COG5: variants seen among roughly 807,000 people sequenced by gnomAD.
COG5 encodes component of oligomeric golgi complex 5, also known as conserved oligomeric Golgi complex subunit 5.
In COG5, 86 loss-of-function variants were observed where a neutral mutation model predicts 110.4. That is an observed-to-expected ratio of 0.78 (90% CI 0.65 to 0.93). COG5 has a LOEUF of 0.93. Among genes scored for constraint, COG5 ranks in the 40% least tolerant of loss-of-function variants. COG5 has a pLI of 0.00. For missense variants in COG5, 1,077 were observed against 987.0 expected, an observed-to-expected ratio of 1.09 and a Z score of -1.22; for synonymous variants, 360 against 334.6, an observed-to-expected ratio of 1.08 and a Z score of -0.83.
intron 14 of COG5, among the ~76,000 whole-genome samples, chr7:107,259,872 A>G (rs1803191308): frequency 6.6e-6 from 1 of 152,138 alleles, no homozygotes; most frequent in South Asian, 2.1e-4. Flanking sequence ...GTTTCAAAGT[A>G]TAGACAGGTC....
chr7:107,217,383 A>G (rs1799604713), intron 19 of COG5, among the ~76,000 whole-genome samples: 1 of 152,162 alleles, frequency 6.6e-6, no homozygotes, highest in Non-Finnish European at 1.5e-5. Context: ...GAATACTTCC[A>G]AGCTAGTTTT....
At chr7:107,476,374 T>C (rs1796997885) in intron 6 of COG5, among the ~76,000 whole-genome samples, 1 of 151,368 alleles carries the variant, frequency 6.6e-6, no homozygotes, top group Non-Finnish European at 1.5e-5. Context: ...CATACAACTT[T>C]AGGGTAATAC....
chr7:107,527,232 C>T lies in COG5; in HGVS notation c.538+5G>A. Reference sequence around the variant, plus strand: ...CTTTTTATTTAAAAAAAAAAAAAAACTTACCAAGTTCATTGAGACTCTGAG... The same window carrying T: ...CTTTTTATTTAAAAAAAAAAAAAAATTTACCAAGTTCATTGAGACTCTGAG... On this transcript the variant is annotated splice_donor_5th_base_variant and intron_variant, in intron 6 of 21. Transcript: ENST00000297135. 7.2e-7 allele frequency: 1 copy of T among 1,390,622 alleles called. No individual in the cohort carries two copies. The highest frequency in any genetic ancestry group is 9.7e-7 in the Non-Finnish European group (1 of 1,034,292). The allele number at this position is 1,390,622 out of a possible 1,614,324, so 86.1% of individuals were successfully genotyped here. A position where few individuals can be genotyped will look rare whatever the true frequency, so the allele number is the denominator to read the frequency against.
At chr7:107,246,020 T>C (rs989466445) in intron 17 of COG5, among the ~76,000 whole-genome samples, 1 of 152,094 alleles carries the variant, frequency 6.6e-6, no homozygotes, top group African/African-American at 2.4e-5. Flanking sequence ...AACAGGCACA[T>C]AGACCAATGG....
chr7:107,507,927 G>A (rs941783303), intron 6 of COG5, among the ~76,000 whole-genome samples: 3 of 152,196 alleles, frequency 2.0e-5, no homozygotes, highest in African/African-American at 7.2e-5. Flanking sequence ...TAAGATGGCT[G>A]AACAGGAACA....
chr7:107,453,099 A>G (rs1276684840), intron 6 of COG5, among the ~76,000 whole-genome samples: 4 of 152,196 alleles, frequency 2.6e-5, no homozygotes, highest in African/African-American at 9.6e-5. Flanking sequence ...ACCGTTTTGG[A>G]CACACAGAAT....
chr7:107,527,361 T>C lies in COG5; in HGVS notation c.418-4A>G, dbSNP rs1224203490. ...TCCGAAGCAAATCACAGGCAACCTGTGCAAACATCACAATGTTAAGTTAGT... is the reference window on the plus strand; with the variant it reads ...TCCGAAGCAAATCACAGGCAACCTGCGCAAACATCACAATGTTAAGTTAGT... On this transcript the variant is annotated splice_polypyrimidine_tract_variant and splice_region_variant and intron_variant, in intron 5 of 21. Coordinates refer to ENST00000297135, the MANE Select transcript of COG5 (RefSeq NM_006348.5). The C allele has an allele frequency of 6.2e-7, 1 of 1,613,226 alleles. No homozygotes were observed. The highest frequency in any genetic ancestry group is 2.2e-5 in the East Asian group (1 of 44,834).
intron 10 of COG5, among the ~76,000 whole-genome samples, chr7:107,352,835 C>T (rs945894760): frequency 6.6e-6 from 1 of 152,174 alleles, no homozygotes; most frequent in African/African-American, 2.4e-5. Context: ...ATAAAAACTT[C>T]TGGCTTAGAA....
chr7:107,358,205 G>A lies in COG5; in HGVS notation c.1026+3828C>T, dbSNP rs180824549. ...TATGTTGTTTGTAGAATATTAAATTGTTCAAAAGGAATAACAATATGCAAA... is the reference window on the plus strand; with the variant it reads ...TATGTTGTTTGTAGAATATTAAATTATTCAAAAGGAATAACAATATGCAAA... On this transcript the variant is annotated intron_variant, in intron 10 of 21. Transcript: ENST00000297135. 2.0e-3 allele frequency among the ~76,000 whole-genome samples: 304 copies of A among 152,150 alleles called. 2 individuals carry two copies. The highest frequency in any genetic ancestry group is 6.9e-3 in the African/African-American group (287 of 41,516).
At chr7:107,256,896 T>C (rs1334023377) in intron 15 of COG5, 102 bp from the exon 16 acceptor site, 15 of 768,936 alleles carry the variant, frequency 2.0e-5, no homozygotes, top group Middle Eastern at 3.5e-4. Flanking sequence ...AAAGTATATA[T>C]ACAATATTAT....
chr7:107,477,377 A>G lies in COG5; in HGVS notation c.538+49860T>C, dbSNP rs181430381. ...AGAAAAACTCCCTTGTGTTTTAAAT[A>G]TTTTTACTCTTCAGGTTTATAACTA... is the stretch of plus-strand genomic sequence containing the variant. On this transcript the variant is annotated intron_variant, in intron 6 of 21. Transcript: ENST00000297135. Among the ~76,000 whole-genome samples the G allele has an allele frequency of 9.8e-4, 149 of 151,832 alleles. 1 individual carries two copies. Among genetic ancestry groups the G allele is most frequent in the Middle Eastern group, 3.4e-3 (1 of 294 alleles).
intron 5 of COG5, among the ~76,000 whole-genome samples, chr7:107,538,786 T>C (rs755715826): frequency 2.0e-5 from 3 of 150,704 alleles, no homozygotes; most frequent in Non-Finnish European, 4.4e-5. Context: ...ATATTATTTA[T>C]GCAACGTTTG....
At chr7:107,369,779 C>T (rs1251576021) in intron 8 of COG5, among the ~76,000 whole-genome samples, 1 of 152,106 alleles carries the variant, frequency 6.6e-6, no homozygotes, top group Non-Finnish European at 1.5e-5. Flanking sequence ...CATTTTCCAC[C>T]TTAGAGATAA....
At chr7:107,519,973 T>C (rs1029935518) in intron 6 of COG5, among the ~76,000 whole-genome samples, 9 of 152,332 alleles carry the variant, frequency 5.9e-5, no homozygotes, top group Admixed American at 1.3e-4. Flanking sequence ...ATCCACGGGA[T>C]GCAAGGCTGG....
intron 6 of COG5, 35 bp from the exon 7 acceptor site, chr7:107,412,667 T>A: frequency 7.9e-7 from 1 of 1,271,600 alleles, no homozygotes; most frequent in Non-Finnish European, 1.1e-6. Flanking sequence ...TTCAAATATT[T>A]CAATACTGAA....
intron 8 of COG5, among the ~76,000 whole-genome samples, chr7:107,367,949 C>T (rs1209926368): frequency 6.6e-6 from 1 of 151,434 alleles, no homozygotes; most frequent in Non-Finnish European, 1.5e-5. Flanking sequence ...AAAAGAAATG[C>T]AGAGGTCATA....
chr7:107,507,823 G>C (rs118150901), intron 6 of COG5, among the ~76,000 whole-genome samples: 3,421 of 152,254 alleles, frequency 0.022, 58 homozygotes, highest in Middle Eastern at 0.037. Context: ...GATGAAACAA[G>C]TTTAAACTAC....
intron 10 of COG5, among the ~76,000 whole-genome samples, chr7:107,355,603 C>T (rs1812554799): frequency 6.6e-6 from 1 of 152,188 alleles, no homozygotes; most frequent in South Asian, 2.1e-4. Flanking sequence ...TAGAAGAAAA[C>T]TACCAAACCA....
intron 6 of COG5, among the ~76,000 whole-genome samples, chr7:107,446,000 G>T (rs1025661416): frequency 7.9e-5 from 12 of 152,240 alleles, no homozygotes; most frequent in Non-Finnish European, 1.5e-4. Flanking sequence ...TGAGAATAGT[G>T]CCCCTTGCAA....
Sources: allele counts gnomAD v4.1 joint callset (sites outside exome capture counted in the v4.1 genomes callset), GRCh38; gene constraint gnomAD v4.1.1; transcripts MANE v1.5; gene names NCBI Gene and HGNC (gene_info 2026-07-23, HGNC 2026-07-21).